Variants in FGF12 observed in about 807,000 individuals in gnomAD.
FGF12 encodes fibroblast growth factor 12.
In FGF12, 14 loss-of-function variants were observed where a neutral mutation model predicts 23.6. The observed-to-expected ratio is 0.59, with a 90% confidence interval of 0.39 to 0.93. The LOEUF is 0.93. Among genes scored for constraint, FGF12 ranks in the 40% least tolerant of loss-of-function variants. The pLI, the probability that FGF12 is intolerant of heterozygous loss-of-function variation, is 0.00. For missense variants in FGF12, 175 were observed against 217.8 expected (o/e 0.80, Z 1.24); for synonymous variants, 62 against 77.3 (o/e 0.80, Z 1.04).
At chr3:192,588,211 G>A (rs1323980004) in intron 2 of FGF12, among the ~76,000 whole-genome samples, 3 of 151,034 alleles carry the variant, frequency 2.0e-5, no homozygotes, top group Non-Finnish European at 1.5e-5. Context: ...TTAGCCGGGT[G>A]TGGTGGCGGG....
intron 2 of FGF12, among the ~76,000 whole-genome samples, chr3:192,616,287 A>G: frequency 6.6e-6 from 1 of 152,244 alleles, no homozygotes; most frequent in East Asian, 1.9e-4. Flanking sequence ...TAAAACAAAT[A>G]AACGTAGTAT....
At chr3:192,684,058 G>A (rs910626942) in intron 2 of FGF12, among the ~76,000 whole-genome samples, 2 of 152,080 alleles carry the variant, frequency 1.3e-5, no homozygotes, top group Admixed American at 6.5e-5. Context: ...ATTCCTAAGA[G>A]TCATCTTGGG....
intron 2 of FGF12, among the ~76,000 whole-genome samples, chr3:192,723,858 T>TGAGA (rs1239233651): frequency 2.3e-5 from 3 of 129,010 alleles, no homozygotes; most frequent in African/African-American, 9.1e-5. Context: ...TGTGTGTGTG[T>TGAGA]GTGTGAGAGA....
At chr3:192,239,291 G>T (rs1312022647) in intron 4 of FGF12, among the ~76,000 whole-genome samples, 2 of 152,150 alleles carry the variant, frequency 1.3e-5, no homozygotes, top group South Asian at 4.1e-4. Context: ...CATTTTGTTT[G>T]CATTGATGTT....
chr3:192,543,387 G>A (rs1170721792), intron 2 of FGF12, among the ~76,000 whole-genome samples: 3 of 151,952 alleles, frequency 2.0e-5, no homozygotes, highest in Non-Finnish European at 4.4e-5. Context: ...CCAAGCCTGG[G>A]ACACTCTCTT....
At chr3:192,716,036 C>T (rs1478484417) in intron 2 of FGF12, among the ~76,000 whole-genome samples, 2 of 152,234 alleles carry the variant, frequency 1.3e-5, no homozygotes, top group Non-Finnish European at 2.9e-5. Flanking sequence ...AAATACACAT[C>T]TATTTCTAGA....
chr3:192,235,671 C>T (rs543767690), intron 4 of FGF12, among the ~76,000 whole-genome samples: 4 of 152,172 alleles, frequency 2.6e-5, no homozygotes, highest in Middle Eastern at 3.4e-3. Flanking sequence ...TAATAGTCTC[C>T]GGGGAATTTT....
At chr3:192,200,428 G>T (rs979976095) in intron 4 of FGF12, among the ~76,000 whole-genome samples, 3 of 152,086 alleles carry the variant, frequency 2.0e-5, no homozygotes, top group Non-Finnish European at 2.9e-5. Flanking sequence ...AAAAACACTT[G>T]CTGTGTACTG....
intron 2 of FGF12, among the ~76,000 whole-genome samples, chr3:192,548,923 T>C (rs757532711): frequency 6.6e-6 from 1 of 152,168 alleles, no homozygotes; most frequent in African/African-American, 2.4e-5. Context: ...CCCTGTCTCT[T>C]ATAACCTGAA....
In FGF12 at chr3:192,336,175, T is replaced by G. The variant is rs1325023002; in HGVS notation, c.125-711A>C. On this transcript the variant is annotated intron_variant, in intron 3 of 5. Coordinates refer to ENST00000445105, the MANE Select transcript of FGF12 (RefSeq NM_004113.6). The surrounding 1 kb of genome is among the most constrained non-coding windows in gnomAD (Gnocchi z 4.3). ...TATACATACTATATATATACAAATA[T>G]ATATACACATATATATATGCACACA... 6.7e-6 allele frequency among the ~76,000 whole-genome samples: 1 copy of G among 149,472 alleles called. No homozygotes were observed. The highest frequency in any genetic ancestry group is 2.5e-5 in the African/African-American group (1 of 40,628).
At chr3:192,263,696 T>C (rs1712901477) in intron 4 of FGF12, among the ~76,000 whole-genome samples, 1 of 152,000 alleles carries the variant, frequency 6.6e-6, no homozygotes, top group Non-Finnish European at 1.5e-5. Context: ...CAATGAAATA[T>C]CATGCTGGCT....
chr3:192,514,918 G>A lies in FGF12; in HGVS notation c.14-154380C>T. The A allele has an allele frequency of 1.0e-6, 1 of 976,512 alleles. No individual in the cohort carries two copies. Among genetic ancestry groups the A allele is most frequent in the Non-Finnish European group, 1.2e-6 (1 of 821,876 alleles). 60.5% of individuals were successfully genotyped at this position (976,512 alleles called of 1,614,324 possible). ...GCCGGAGGGAGCCCGGGCGCCGGCAGGGGGCGGGCCGGGACGCGGAAGTGC... is the reference window on the plus strand; with the variant it reads ...GCCGGAGGGAGCCCGGGCGCCGGCAAGGGGCGGGCCGGGACGCGGAAGTGC... On this transcript the variant is annotated intron_variant, in intron 2 of 5. Coordinates refer to ENST00000445105, the MANE Select transcript of FGF12 (RefSeq NM_004113.6). The surrounding 1 kb of genome is among the most constrained non-coding windows in gnomAD (Gnocchi z 4.9).
intron 2 of FGF12, among the ~76,000 whole-genome samples, chr3:192,507,253 G>C (rs903624527): frequency 1.3e-5 from 2 of 151,668 alleles, no homozygotes; most frequent in Admixed American, 6.6e-5. Context: ...TTGAGAGGGG[G>C]GTCCAGTCAG....
intron 4 of FGF12, among the ~76,000 whole-genome samples, chr3:192,319,750 AG>A (rs1323358830): frequency 6.6e-6 from 1 of 152,162 alleles, no homozygotes; most frequent in Non-Finnish European, 1.5e-5. Flanking sequence ...CTTCTTTGTT[AG>A]TTTGTTTATG....
chr3:192,441,041 G>A (rs1477054519), intron 2 of FGF12, among the ~76,000 whole-genome samples: 1 of 152,118 alleles, frequency 6.6e-6, no homozygotes, highest in African/African-American at 2.4e-5. Flanking sequence ...ACACTGTTTT[G>A]GGCACCGGCA....
intron 4 of FGF12, among the ~76,000 whole-genome samples, chr3:192,319,214 G>A (rs1382302949): frequency 6.6e-6 from 1 of 152,110 alleles, no homozygotes; most frequent in African/African-American, 2.4e-5. Context: ...TAAACACACA[G>A]AAAACACAGA....
At chr3:192,722,520 T>C (rs1426116083) in intron 2 of FGF12, among the ~76,000 whole-genome samples, 3 of 152,190 alleles carry the variant, frequency 2.0e-5, no homozygotes, top group African/African-American at 7.2e-5. Context: ...GAATCTTCCT[T>C]GGAAATACAT....
At chr3:192,341,625 A>G (rs1047760465) in intron 3 of FGF12, among the ~76,000 whole-genome samples, 3 of 152,174 alleles carry the variant, frequency 2.0e-5, no homozygotes, top group Admixed American at 1.3e-4. Context: ...TTTAGGACCT[A>G]CAAAACCTAA....
chr3:192,632,573 G>C (rs1041831102), intron 2 of FGF12, among the ~76,000 whole-genome samples: 1 of 152,184 alleles, frequency 6.6e-6, no homozygotes, highest in Non-Finnish European at 1.5e-5. Context: ...GTAATGGTTA[G>C]ATATATTTCC....
Sources: allele counts gnomAD v4.1 joint callset (sites outside exome capture counted in the v4.1 genomes callset), GRCh38; gene constraint gnomAD v4.1.1; non-coding constraint Gnocchi (gnomAD v3.1); transcripts MANE v1.5; gene names NCBI Gene and HGNC (gene_info 2026-07-23, HGNC 2026-07-21).